The following SPAG17 variants were observed in gnomAD, a reference collection of about 807,000 sequenced individuals.
SPAG17 encodes the protein sperm-associated antigen 17.
Under a neutral mutation model 273.6 loss-of-function variants are expected in SPAG17, and 169 were observed. That is an observed-to-expected ratio of 0.62 (90% confidence interval 0.55 to 0.70). The LOEUF (loss-of-function observed/expected upper bound fraction) is 0.70. SPAG17 is among the 30% of genes least tolerant of loss of function. SPAG17 has a pLI of 0.00. For missense variants in SPAG17, 2,557 were observed against 2,627.8 expected (o/e 0.97, Z 0.59); for synonymous variants, 825 against 873.2 (o/e 0.94, Z 0.97).
chr1:118,165,663 TGAGACGGAGTCTCGCTCTGTCACCCAGG>T (rs1660136470), intron 1 of SPAG17, among the ~76,000 whole-genome samples: 1 of 148,530 alleles, frequency 6.7e-6, no homozygotes, highest in South Asian at 2.1e-4. Context: ...TTTTTTTTTT[TGAGACGGAGTCTCGCTCTGTCACCCAGG>T]TTGGACTGCA....
chr1:118,163,990 C>G (rs1449989546), intron 1 of SPAG17, among the ~76,000 whole-genome samples: 1 of 152,164 alleles, frequency 6.6e-6, no homozygotes, highest in Non-Finnish European at 1.5e-5. Context: ...TTCTCTCTAA[C>G]TTGACTCTTA....
chr1:118,092,378 A>G (rs541141571), intron 8 of SPAG17, among the ~76,000 whole-genome samples: 6 of 152,218 alleles, frequency 3.9e-5, no homozygotes, highest in African/African-American at 1.2e-4. Flanking sequence ...CCAGACTCTC[A>G]ACTTAGCACC....
intron 3 of SPAG17, among the ~76,000 whole-genome samples, chr1:118,125,866 T>G (rs1297905096): frequency 2.0e-5 from 3 of 152,194 alleles, no homozygotes; most frequent in Non-Finnish European, 2.9e-5. Context: ...TATACTGGTT[T>G]CTTTTCCTTT....
chr1:118,051,844 TATATATA>T (rs954546744), intron 20 of SPAG17, among the ~76,000 whole-genome samples: 1 of 133,250 alleles, frequency 7.5e-6, no homozygotes, highest in African/African-American at 2.7e-5. Context: ...ATATATAAAC[TATATATA>T]ATATATAATA....
At chr1:117,977,586 CT>C (rs926502774) in intron 43 of SPAG17, among the ~76,000 whole-genome samples, 3 of 152,174 alleles carry the variant, frequency 2.0e-5, no homozygotes, top group Non-Finnish European at 2.9e-5. Flanking sequence ...TCCCATAAAG[CT>C]TTCTCCACTG....
intron 3 of SPAG17, among the ~76,000 whole-genome samples, chr1:118,146,825 C>G (rs940512621): frequency 6.6e-6 from 1 of 152,190 alleles, no homozygotes. Flanking sequence ...TCCCCGTGCA[C>G]ACAATGGAGA....
At position 118,151,310 on chromosome 1, in the gene SPAG17, G is replaced by A. The variant is rs763779341; in HGVS notation, c.147C>T (p.Leu49=). The change falls in exon 2 of 49, where the codon CTC becomes CTT. Residue 49 remains leucine (L), a synonymous_variant. Coordinates refer to ENST00000336338, the MANE Select transcript of SPAG17 (RefSeq NM_206996.4). The part of the protein sequence containing the change: ...VVGNQIEDDL[L]IQALTVAVQV... ...GGACAGCCACGGTAAGGGCTTGGAT[G>A]AGAAGATCATCTTCAATCTGGTTCC... The A allele has an allele frequency of 1.2e-6, 2 of 1,613,420 alleles. No individual in the cohort carries two copies. Among genetic ancestry groups the A allele is most frequent in the Non-Finnish European group, 1.7e-6 (2 of 1,179,544 alleles).
Position 117,988,694 on chromosome 1 carries a change from G to C in SPAG17, c.5522-490C>G, listed in dbSNP as rs367689007. On this transcript the variant is annotated intron_variant, in intron 38 of 48. Coordinates refer to ENST00000336338, the MANE Select transcript of SPAG17 (RefSeq NM_206996.4). The stretch of plus-strand genomic sequence containing the variant: ...ATTAAAAAGAGGAAAAGATTTTCAT[G>C]TTTCACGGTTATATGAGCTTGGGAA... Among the ~76,000 whole-genome samples the C allele has an allele frequency of 2.6e-5, 4 of 152,200 alleles. No individual in the cohort carries two copies. The East Asian group carries it at 5.8e-4, about 22-fold the overall frequency.
At chr1:117,989,548 C>T (rs1037581314) in intron 38 of SPAG17, among the ~76,000 whole-genome samples, 3 of 151,980 alleles carry the variant, frequency 2.0e-5, no homozygotes, top group African/African-American at 7.2e-5. Context: ...TAGGCCCCTC[C>T]TCCCTCCAAC....
At chr1:118,147,818 A>G (rs1659112745) in intron 3 of SPAG17, among the ~76,000 whole-genome samples, 1 of 152,184 alleles carries the variant, frequency 6.6e-6, no homozygotes, top group South Asian at 2.1e-4. Context: ...TCATTATTGG[A>G]AATATGCAAT....
chr1:118,115,853 T>C (rs1245706854), intron 3 of SPAG17, among the ~76,000 whole-genome samples: 2 of 152,350 alleles, frequency 1.3e-5, no homozygotes, highest in East Asian at 3.9e-4. Context: ...ATATTATAAA[T>C]TAAACAGGGT....
chr1:117,964,358 A>G, intron 47 of SPAG17: 1 of 153,592 alleles, frequency 6.5e-6, no homozygotes. Flanking sequence ...TCTCTAATCT[A>G]TAAGCAGGGA....
chr1:118,164,766 A>G (rs770227306), intron 1 of SPAG17, among the ~76,000 whole-genome samples: 14 of 152,156 alleles, frequency 9.2e-5, no homozygotes, highest in Non-Finnish European at 1.6e-4. Flanking sequence ...CTAACACCAT[A>G]TCTTCATTAC....
Position 117,992,530 on chromosome 1 carries a change from CG to C in SPAG17, c.5296del (p.Arg1766AlafsTer9). ...ILKSPSVLQM[R>X]QFIQHEVIKN... ...TATGACCTCATGCTGAATGAATTGG[CG>C]CATCTGTAGCACACTGGGGCTCTTG... On this transcript the variant is annotated frameshift_variant, in exon 36 of 49. Coordinates refer to ENST00000336338, the MANE Select transcript of SPAG17 (RefSeq NM_206996.4). LOFTEE classifies it high-confidence loss of function. The C allele has an allele frequency of 6.2e-7, 1 of 1,613,574 alleles. No homozygotes were observed. The highest frequency in any genetic ancestry group is 8.5e-7 in the Non-Finnish European group (1 of 1,179,774).
chr1:118,128,025 C>T (rs537538486), intron 3 of SPAG17, among the ~76,000 whole-genome samples: 43 of 151,836 alleles, frequency 2.8e-4, no homozygotes, highest in Admixed American at 2.6e-3. Flanking sequence ...GGGAGGCTGA[C>T]GCAGGAGAAT....
intron 22 of SPAG17, among the ~76,000 whole-genome samples, chr1:118,040,485 A>G (rs1649609801): frequency 6.6e-6 from 1 of 152,170 alleles, no homozygotes; most frequent in Non-Finnish European, 1.5e-5. Flanking sequence ...AAGTATTTTA[A>G]TATTTTAACA....
At chr1:118,086,505 G>T (rs971853859) in intron 12 of SPAG17, among the ~76,000 whole-genome samples, 166 bp downstream of exon 12, 1 of 152,126 alleles carries the variant, frequency 6.6e-6, no homozygotes, top group African/African-American at 2.4e-5. Context: ...ATTTTTCTCT[G>T]TATCTAGGTC....
Position 118,080,807 on chromosome 1 carries a change from T to C in SPAG17, c.2209+294A>G, listed in dbSNP as rs137891964. On this transcript the variant is annotated intron_variant, in intron 15 of 48. Transcript: ENST00000336338. ...ATTCTGTTTTGCAGATGAATGTTTA[T>C]AATTTTTAGCACACAATCACAATAA... Among the ~76,000 whole-genome samples, 158 of 152,320 alleles carry C rather than the reference T, an allele frequency of 1.0e-3. 2 individuals are homozygous for C. Among genetic ancestry groups the C allele is most frequent in the African/African-American group, 3.6e-3 (150 of 41,574 alleles).
intron 3 of SPAG17, among the ~76,000 whole-genome samples, chr1:118,146,799 T>C (rs540835594): frequency 6.6e-6 from 1 of 152,322 alleles, no homozygotes; most frequent in African/African-American, 2.4e-5. Context: ...CTTCCTACCT[T>C]CTCTATGCCT....
Sources: allele counts gnomAD v4.1 joint callset (sites outside exome capture counted in the v4.1 genomes callset), GRCh38; gene constraint gnomAD v4.1.1; transcripts MANE v1.5; gene names NCBI Gene and HGNC (gene_info 2026-07-23, HGNC 2026-07-21).